Variants in FAM178B observed in about 807,000 individuals in gnomAD.
FAM178B encodes the protein protein FAM178B.
Under a neutral mutation model 91.7 loss-of-function variants are expected in FAM178B, and 82 were observed. The ratio of observed to expected loss-of-function variants is 0.89; its 90% CI spans 0.75 to 1.07. FAM178B has a LOEUF of 1.07. Among genes scored for constraint, FAM178B ranks in the 50% least tolerant of loss-of-function variants. The probability of loss-of-function intolerance (pLI) is 0.00; values close to 1 mark genes in which losing one functional copy is unlikely to be tolerated. For missense variants in FAM178B, 769 were observed against 846.7 expected, an observed-to-expected ratio of 0.91 and a Z score of 1.14; for synonymous variants, 368 against 359.4, an observed-to-expected ratio of 1.02 and a Z score of -0.27.
At chr2:96,915,525 G>C (rs1384408156) in intron 12 of FAM178B, among the ~76,000 whole-genome samples, 1 of 151,990 alleles carries the variant, frequency 6.6e-6, no homozygotes, top group African/African-American at 2.4e-5. Context: ...CTTTAGAAAG[G>C]GGAAATAAGA....
intron 13 of FAM178B, among the ~76,000 whole-genome samples, chr2:96,894,493 T>C (rs150671924): frequency 0.018 from 780 of 43,288 alleles, 15 homozygotes; most frequent in African/African-American, 0.066. Flanking sequence ...CACCCACCCA[T>C]TCACCCACCC....
At chr2:96,879,254 G>A (rs1226239268) in intron 14 of FAM178B, among the ~76,000 whole-genome samples, 3 of 152,222 alleles carry the variant, frequency 2.0e-5, no homozygotes, top group Admixed American at 2.0e-4. Context: ...CTGCTGCCTT[G>A]TCCTCTCGGC....
intron 14 of FAM178B, among the ~76,000 whole-genome samples, chr2:96,892,824 C>T: frequency 6.6e-6 from 1 of 152,236 alleles, no homozygotes; most frequent in Admixed American, 6.5e-5. Context: ...CTGACCCCCA[C>T]CTCCTCTCTA....
At chr2:96,923,621 G>A (rs1317369049) in intron 9 of FAM178B, 38 bp from the exon 10 acceptor site, 1 of 1,509,282 alleles carries the variant, frequency 6.6e-7, no homozygotes. Flanking sequence ...GGGAAACCCA[G>A]GAGGGGGCAC....
At chr2:96,906,968 G>A (rs1011885847) in intron 12 of FAM178B, among the ~76,000 whole-genome samples, 5 of 152,202 alleles carry the variant, frequency 3.3e-5, no homozygotes, top group Non-Finnish European at 7.3e-5. Flanking sequence ...GGGCCTGCCC[G>A]GCCCGGGGGT....
intron 7 of FAM178B, chr2:96,950,219 G>GACGGAACACACA: frequency 2.1e-6 from 2 of 963,920 alleles, no homozygotes; most frequent in Non-Finnish European, 2.5e-6. Flanking sequence ...TCGATTGTGT[G>GACGGAACACACA]TTCCGTCACA....
At chr2:96,934,787 C>G (rs1038684014) in intron 8 of FAM178B, among the ~76,000 whole-genome samples, 2 of 152,170 alleles carry the variant, frequency 1.3e-5, no homozygotes, top group Non-Finnish European at 1.5e-5. Context: ...TGTTTCTTCT[C>G]TACCCTGCAG....
intron 16 of FAM178B, 115 bp downstream of exon 16, chr2:96,877,775 T>C: frequency 2.8e-6 from 3 of 1,074,002 alleles, no homozygotes; most frequent in Non-Finnish European, 4.0e-6. Flanking sequence ...ACTCCACCCA[T>C]ATCCCTGCCA....
intron 1 of FAM178B, among the ~76,000 whole-genome samples, chr2:96,982,260 A>G (rs6731522): frequency 0.22 from 33,690 of 151,656 alleles, 6,370 homozygotes; most frequent in African/African-American, 0.52. Flanking sequence ...TACATACTTT[A>G]TATATATTAT....
chr2:96,954,697 A>G (rs2081974261), intron 6 of FAM178B, among the ~76,000 whole-genome samples: 1 of 152,270 alleles, frequency 6.6e-6, no homozygotes, highest in African/African-American at 2.4e-5. Flanking sequence ...TAAATACAAT[A>G]GAAACCAATA....
chr2:96,956,979 C>T (rs1461872069), intron 6 of FAM178B, among the ~76,000 whole-genome samples: 2 of 152,200 alleles, frequency 1.3e-5, no homozygotes, highest in African/African-American at 4.8e-5. Context: ...CCTTCTCAGC[C>T]TGCTGAGTAG....
At position 96,877,976 on chromosome 2, in the gene FAM178B, G is replaced by A. The variant is rs1335147144; in HGVS notation, c.1921C>T (p.Gln641Ter). 1 of 1,613,544 alleles carries A rather than the reference G, an allele frequency of 6.2e-7. No individual in the cohort carries two copies. Among genetic ancestry groups the A allele is most frequent in the South Asian group, 1.1e-5 (1 of 91,084 alleles). Residue 641 changes from glutamine (Q) to a stop codon, truncating the protein, a stop_gained, in exon 16 of 17, where the codon CAG becomes TAG. Transcript: ENST00000490605. LOFTEE classifies it high-confidence loss of function. ...TTGAGCATGGTGCGGTGCATGGCCT[G>A]GGGGCTCTCCCGGATCTGCGTGCTG... ...HISTQIRESP[Q>*]AMHRTMLKDL...
intron 13 of FAM178B, 130 bp from the exon 14 acceptor site, chr2:96,894,181 C>T: frequency 1.0e-6 from 1 of 1,001,130 alleles, no homozygotes; most frequent in South Asian, 1.4e-5. Flanking sequence ...GACACAGACC[C>T]ACCTCTACCT....
chr2:96,965,208 T>C (rs1386829748), intron 5 of FAM178B, among the ~76,000 whole-genome samples: 1 of 152,084 alleles, frequency 6.6e-6, no homozygotes, highest in Non-Finnish European at 1.5e-5. Flanking sequence ...GGTTTCACCA[T>C]GTTGGCCAGG....
chr2:96,948,660 C>T (rs1402251352), intron 7 of FAM178B, among the ~76,000 whole-genome samples: 3 of 152,206 alleles, frequency 2.0e-5, no homozygotes, highest in African/African-American at 7.2e-5. Flanking sequence ...GCCTTGTGGG[C>T]ACTGTGGGCA....
At chr2:96,880,923 C>G (rs961849225) in intron 14 of FAM178B, among the ~76,000 whole-genome samples, 2 of 152,016 alleles carry the variant, frequency 1.3e-5, no homozygotes, top group African/African-American at 4.8e-5. Flanking sequence ...ATACTGCCAA[C>G]GGTAATTGGC....
intron 10 of FAM178B, among the ~76,000 whole-genome samples, chr2:96,922,921 G>A (rs539410674): frequency 9.3e-5 from 14 of 151,278 alleles, no homozygotes; most frequent in South Asian, 6.3e-4. Context: ...TGATCCACCC[G>A]CCTCAGCCTC....
chr2:96,880,508 T>C (rs543863726), intron 14 of FAM178B, among the ~76,000 whole-genome samples: 1 of 152,238 alleles, frequency 6.6e-6, no homozygotes, highest in African/African-American at 2.4e-5. Flanking sequence ...GATTACAGGG[T>C]ATCCCTACCT....
chr2:96,913,922 T>C (rs1574238922), intron 12 of FAM178B, among the ~76,000 whole-genome samples: 1 of 151,944 alleles, frequency 6.6e-6, no homozygotes, highest in African/African-American at 2.4e-5. Flanking sequence ...CAGAGGAGGG[T>C]GCGAGGAAGA....
Sources: gnomAD v4.1 joint callset for allele counts (sites outside exome capture counted in the v4.1 genomes callset) on GRCh38, gnomAD v4.1.1 for gene constraint, MANE v1.5 for transcripts, NCBI Gene and HGNC (gene_info 2026-07-23, HGNC 2026-07-21) for gene names.